EFHB: variants seen among roughly 807,000 people sequenced by gnomAD.
EFHB encodes the protein EF-hand domain family member B.
EFHB carries 91 observed loss-of-function variants against 87.2 expected under a neutral mutation model. The ratio of observed to expected loss-of-function variants is 1.04; its 90% CI spans 0.88 to 1.24. EFHB has a LOEUF of 1.24. Ranked by LOEUF, EFHB falls within the 50% of genes most tolerant of loss-of-function variation. The pLI is 0.00. For missense variants in EFHB, 1,084 were observed against 998.8 expected (o/e 1.09, Z -1.15); for synonymous variants, 325 against 333.6 (o/e 0.97, Z 0.28).
chr3:19,936,754 G>A (rs1201936145), upstream of EFHB, among the ~76,000 whole-genome samples: 2 of 151,800 alleles, frequency 1.3e-5, no homozygotes, highest in Non-Finnish European at 2.9e-5. Flanking sequence ...TGTAATCCCA[G>A]CTACTAGGGA....
intron 6 of EFHB, among the ~76,000 whole-genome samples, chr3:19,901,153 G>C (rs1177899939): frequency 6.6e-6 from 1 of 151,960 alleles, no homozygotes; most frequent in Non-Finnish European, 1.5e-5. Context: ...TTGCACTCTG[G>C]TAAAAACTAT....
chr3:19,902,514 T>G (rs894174565), intron 6 of EFHB, among the ~76,000 whole-genome samples: 5 of 151,560 alleles, frequency 3.3e-5, no homozygotes, highest in African/African-American at 1.2e-4. Context: ...GCCACCACAC[T>G]CAGCTAATTT....
intron 1 of EFHB, among the ~76,000 whole-genome samples, chr3:19,939,589 T>C (rs956337676): frequency 1.6e-4 from 24 of 151,924 alleles, no homozygotes; most frequent in Non-Finnish European, 2.6e-4. Context: ...TTTCACCGTG[T>C]TAGCCAGGAT....
intron 6 of EFHB, among the ~76,000 whole-genome samples, chr3:19,900,903 T>A (rs908610951): frequency 6.7e-6 from 1 of 148,324 alleles, no homozygotes; most frequent in Non-Finnish European, 1.5e-5. Context: ...CACCCCAGCC[T>A]GGGCAACAAA....
intron 8 of EFHB, among the ~76,000 whole-genome samples, chr3:19,897,704 C>T (rs1367193754): frequency 1.3e-5 from 2 of 152,180 alleles, no homozygotes; most frequent in Non-Finnish European, 2.9e-5. Flanking sequence ...TGATTACCTA[C>T]TTCTTTTTCA....
intron 1 of EFHB, among the ~76,000 whole-genome samples, chr3:19,944,547 G>T (rs902383884): frequency 1.3e-5 from 2 of 152,156 alleles, no homozygotes; most frequent in Admixed American, 1.3e-4. Flanking sequence ...GCTTTACTGT[G>T]TCATTTCAAT....
chr3:19,893,329 G>A (rs1180554697), intron 9 of EFHB, among the ~76,000 whole-genome samples: 1 of 152,138 alleles, frequency 6.6e-6, no homozygotes, highest in African/African-American at 2.4e-5. Context: ...CCAGAGATCT[G>A]TTTTATTCTC....
rs1385625100 is a variant in EFHB, at chr3:19,934,065, A to C, written c.-47T>G. ...ATTTCTCCAAGAGCGCTCATCTCTAAGGGGAAAGCTGTACCTGGCTACAAA... is the reference window on the plus strand; with the variant it reads ...ATTTCTCCAAGAGCGCTCATCTCTACGGGGAAAGCTGTACCTGGCTACAAA... On this transcript the variant is annotated 5_prime_UTR_variant, in exon 1 of 13. Coordinates refer to ENST00000295824, the MANE Select transcript of EFHB (RefSeq NM_144715.4). The C allele has an allele frequency of 1.0e-5, 16 of 1,535,636 alleles. No individual in the cohort carries two copies. Among genetic ancestry groups the C allele is most frequent in the Non-Finnish European group, 1.4e-5 (16 of 1,141,792 alleles).
intron 1 of EFHB, among the ~76,000 whole-genome samples, chr3:19,941,983 C>T (rs1174993507): frequency 6.6e-6 from 1 of 151,774 alleles, no homozygotes; most frequent in Non-Finnish European, 1.5e-5. Context: ...GGTGAAACCA[C>T]GTCTCTACTA....
At chr3:19,883,513 A>G (rs1000126061) in intron 11 of EFHB, among the ~76,000 whole-genome samples, 1 of 152,220 alleles carries the variant, frequency 6.6e-6, no homozygotes, top group Admixed American at 6.5e-5. Flanking sequence ...GTTTTTCTAT[A>G]TCACCAATAT....
At chr3:19,930,222 C>G (rs1695783790) in intron 1 of EFHB, among the ~76,000 whole-genome samples, 1 of 152,066 alleles carries the variant, frequency 6.6e-6, no homozygotes, top group South Asian at 2.1e-4. Flanking sequence ...TGTTATTATT[C>G]TTGTGTTATA....
chr3:19,940,558 T>C (rs896111425), intron 1 of EFHB: 211 of 499,804 alleles, frequency 4.2e-4, no homozygotes, highest in Non-Finnish European at 7.5e-4. Context: ...TTCATAGGAT[T>C]CAAGGGAATT....
chr3:19,927,019 C>T (rs1166205764), intron 1 of EFHB, among the ~76,000 whole-genome samples: 3 of 152,156 alleles, frequency 2.0e-5, no homozygotes, highest in Admixed American at 2.0e-4. Context: ...GAAGTGATAC[C>T]ATCAGAGTTC....
chr3:19,906,924 T>G lies in EFHB; in HGVS notation c.1289-1175A>C, dbSNP rs1022339959. On this transcript the variant is annotated intron_variant, in intron 5 of 12. Coordinates refer to ENST00000295824, the MANE Select transcript of EFHB (RefSeq NM_144715.4). ...ATAAATCCAAACATATACAATACAC[T>G]AATTTTCAACAAGGGCAGCAAGAAG... Among the ~76,000 whole-genome samples, 20 of 152,032 alleles carry G rather than the reference T, an allele frequency of 1.3e-4. 1 individual carries two copies. Among genetic ancestry groups the G allele is most frequent in the African/African-American group, 4.8e-4 (20 of 41,500 alleles).
In EFHB at chr3:19,897,213, G is replaced by C. The variant is rs137918784; in HGVS notation, c.1571-372C>G. Among the ~76,000 whole-genome samples, 70 of 152,320 alleles carry C rather than the reference G, an allele frequency of 4.6e-4. 1 individual carries two copies. In the East Asian group the frequency reaches 0.013, roughly 29 times the overall value. On this transcript the variant is annotated intron_variant, in intron 8 of 12. Coordinates refer to ENST00000295824, the MANE Select transcript of EFHB (RefSeq NM_144715.4). ...CTGAAAGCTAGGGCTGATTCCAGGT[G>C]GGGACCACTCAGTGTGCCTTGGAAC...
intron 5 of EFHB, among the ~76,000 whole-genome samples, chr3:19,914,652 T>G (rs912608653): frequency 6.6e-6 from 1 of 152,166 alleles, no homozygotes; most frequent in Non-Finnish European, 1.5e-5. Flanking sequence ...ATTTAAGAGA[T>G]AAGAATATAT....
At chr3:19,936,394 C>T (rs558881330), upstream of EFHB, 7 of 500,570 alleles carry the variant, frequency 1.4e-5, no homozygotes, top group South Asian at 9.2e-5. Context: ...TGAGACCTAT[C>T]CCTACAAAAA....
At chr3:19,886,903 A>G (rs181470323) in intron 10 of EFHB, among the ~76,000 whole-genome samples, 13 of 152,272 alleles carry the variant, frequency 8.5e-5, no homozygotes, top group Non-Finnish European at 1.6e-4. Context: ...TTCATAAGAA[A>G]TGAGAAATAA....
intron 10 of EFHB, among the ~76,000 whole-genome samples, chr3:19,888,167 C>T (rs1574994056): frequency 6.6e-6 from 1 of 151,930 alleles, no homozygotes; most frequent in East Asian, 1.9e-4. Flanking sequence ...TTTTATTTTT[C>T]ATATAATATT....
Sources: gnomAD v4.1 joint callset for allele counts (sites outside exome capture counted in the v4.1 genomes callset) on GRCh38, gnomAD v4.1.1 for gene constraint, MANE v1.5 for transcripts, NCBI Gene and HGNC (gene_info 2026-07-23, HGNC 2026-07-21) for gene names.